PITPNC1: variants seen among roughly 807,000 people sequenced by gnomAD.
PITPNC1 encodes cytoplasmic phosphatidylinositol transfer protein 1.
Under a neutral mutation model 44.7 loss-of-function variants are expected in PITPNC1, and 18 were observed. That is an observed-to-expected ratio of 0.40 (90% CI 0.28 to 0.60). The LOEUF is 0.60. Among genes scored for constraint, PITPNC1 ranks in the 20% least tolerant of loss-of-function variants. The pLI is 0.39. For missense variants in PITPNC1, 290 were observed against 418.4 expected, an observed-to-expected ratio of 0.69 and a Z score of 2.68; for synonymous variants, 141 against 149.6, an observed-to-expected ratio of 0.94 and a Z score of 0.42.
intron 4 of PITPNC1, among the ~76,000 whole-genome samples, chr17:67,565,265 C>G (rs1329625492): frequency 6.7e-6 from 1 of 149,628 alleles, no homozygotes; most frequent in Non-Finnish European, 1.5e-5. Flanking sequence ...GGTGTGTATA[C>G]TCATTTTCCA....
chr17:67,445,954 T>G (rs2039086815), intron 1 of PITPNC1, among the ~76,000 whole-genome samples: 1 of 151,870 alleles, frequency 6.6e-6, no homozygotes. Context: ...GTATTTTTTT[T>G]GGTTTTTTTT....
chr17:67,532,685 C>T (rs2304278), intron 1 of PITPNC1, 117 bp from the exon 2 acceptor site: 643,411 of 742,304 alleles, frequency 0.87, 279,392 homozygotes, highest in Admixed American at 0.92. Flanking sequence ...ATGTGGCTGC[C>T]TTCTCTTCTC....
chr17:67,565,866 G>GT (rs931449634), intron 4 of PITPNC1, among the ~76,000 whole-genome samples: 3 of 146,950 alleles, frequency 2.0e-5, no homozygotes, highest in Admixed American at 6.8e-5. Flanking sequence ...GTTTTTCCAT[G>GT]TTTTTTCGGT....
rs547525989 is a variant in PITPNC1 at position 67,685,560 on chromosome 17, A to G, written c.683-7012A>G. Among the ~76,000 whole-genome samples, 4 of 152,268 alleles carry G rather than the reference A, an allele frequency of 2.6e-5. No individual in the cohort carries two copies. The East Asian group carries it at 7.7e-4, about 29-fold the overall frequency. ...TTCCAGCTGTGAATGCCCACTCTAA[A>G]TCCCCACTAAGCCAATTAGTGGTCA... On this transcript the variant is annotated intron_variant, in intron 8 of 8. Coordinates refer to ENST00000581322, the MANE Select transcript of PITPNC1 (RefSeq NM_012417.4).
rs2144491049 is a variant in PITPNC1 at position 67,695,237 on chromosome 17, T to C, written c.*2349T>C. 1 of 152,280 alleles carries C rather than the reference T, an allele frequency of 6.6e-6. No homozygotes were observed. Among genetic ancestry groups the C allele is most frequent in the East Asian group, 1.9e-4 (1 of 5,188 alleles). The allele number at this position is 152,280 out of a possible 1,614,324, so 9.4% of individuals were successfully genotyped here. A position where few individuals can be genotyped will look rare whatever the true frequency, so the allele number is the denominator to read the frequency against. On this transcript the variant is annotated 3_prime_UTR_variant, in exon 9 of 9. Coordinates refer to ENST00000581322, the MANE Select transcript of PITPNC1 (RefSeq NM_012417.4). ...AGTTTTTCTGTCTACATATGCTTTG[T>C]GTGAGTTAAAAAGGGGGTGGGTGGT...
intron 1 of PITPNC1, among the ~76,000 whole-genome samples, chr17:67,379,798 G>T (rs527917386): frequency 6.6e-6 from 1 of 152,160 alleles, no homozygotes; most frequent in Non-Finnish European, 1.5e-5. Context: ...TTTGATATGA[G>T]TTTGGATTCT....
chr17:67,436,562 C>T (rs2038939339), intron 1 of PITPNC1, among the ~76,000 whole-genome samples: 1 of 151,966 alleles, frequency 6.6e-6, no homozygotes, highest in Non-Finnish European at 1.5e-5. Context: ...GCGTGGAAAG[C>T]GTTCGGGGCC....
intron 1 of PITPNC1, among the ~76,000 whole-genome samples, chr17:67,442,875 A>C (rs1451731899): frequency 2.0e-5 from 3 of 151,978 alleles, no homozygotes; most frequent in Non-Finnish European, 1.5e-5. Context: ...AAAAAAATGC[A>C]TTAAAATAAT....
intron 1 of PITPNC1, among the ~76,000 whole-genome samples, chr17:67,528,483 A>C (rs1198600498): frequency 1.3e-5 from 2 of 152,244 alleles, no homozygotes; most frequent in African/African-American, 4.8e-5. Flanking sequence ...AGGCTTTAGA[A>C]TCTTTCTATG....
chr17:67,403,218 C>CAAAAGAAAAAAA (rs2038347465), intron 1 of PITPNC1, among the ~76,000 whole-genome samples: 1 of 68,974 alleles, frequency 1.4e-5, no homozygotes, highest in African/African-American at 5.2e-5. Context: ...CTCATCTCTA[C>CAAAAGAAAAAAA]AAAAAAAAAA....
At chr17:67,543,662 C>T (rs980135448) in intron 2 of PITPNC1, among the ~76,000 whole-genome samples, 8 of 152,086 alleles carry the variant, frequency 5.3e-5, no homozygotes, top group East Asian at 3.9e-4. Flanking sequence ...GTCCAATGTC[C>T]GTTGAAAATG....
At chr17:67,562,785 A>G (rs1390083287) in intron 4 of PITPNC1, among the ~76,000 whole-genome samples, 2 of 152,194 alleles carry the variant, frequency 1.3e-5, no homozygotes, top group African/African-American at 4.8e-5. Context: ...CCTTTTTGAA[A>G]TTGATGTGTG....
chr17:67,429,683 G>A (rs1347050596), intron 1 of PITPNC1, among the ~76,000 whole-genome samples: 1 of 143,800 alleles, frequency 7.0e-6, no homozygotes, highest in Non-Finnish European at 1.5e-5. Context: ...GGATGAAAGA[G>A]CAAAACTCTG....
intron 6 of PITPNC1, among the ~76,000 whole-genome samples, chr17:67,641,250 T>C (rs2042089446): frequency 6.6e-6 from 1 of 152,202 alleles, no homozygotes; most frequent in Admixed American, 6.5e-5. Context: ...AATTAATACA[T>C]GATCCTTGTA....
At chr17:67,437,882 G>C (rs560780664) in intron 1 of PITPNC1, among the ~76,000 whole-genome samples, 1 of 152,088 alleles carries the variant, frequency 6.6e-6, no homozygotes, top group Non-Finnish European at 1.5e-5. Context: ...AGCCTGGCTA[G>C]CATGGCGAAA....
chr17:67,417,000 C>T (rs935974861), intron 1 of PITPNC1, among the ~76,000 whole-genome samples: 25 of 151,708 alleles, frequency 1.6e-4, no homozygotes, highest in African/African-American at 5.1e-4. Flanking sequence ...TTAGTAGAGA[C>T]GGGGTTTCTC....
chr17:67,557,761 T>A (rs1429209060), intron 4 of PITPNC1, among the ~76,000 whole-genome samples: 1 of 152,272 alleles, frequency 6.6e-6, no homozygotes, highest in Non-Finnish European at 1.5e-5. Context: ...CCAGGATTTA[T>A]GACAGATGCT....
chr17:67,674,073 A>C (rs573419179), intron 7 of PITPNC1, among the ~76,000 whole-genome samples: 2 of 152,082 alleles, frequency 1.3e-5, no homozygotes, highest in African/African-American at 4.8e-5. Context: ...TAGGGGGTAC[A>C]TGAGATGTTT....
At chr17:67,423,856 A>T (rs2038704224) in intron 1 of PITPNC1, among the ~76,000 whole-genome samples, 2 of 152,150 alleles carry the variant, frequency 1.3e-5, no homozygotes, top group African/African-American at 4.8e-5. Context: ...CCTCTTGGGC[A>T]TCTCTGTCCT....
Sources: allele counts gnomAD v4.1 joint callset (sites outside exome capture counted in the v4.1 genomes callset), GRCh38; gene constraint gnomAD v4.1.1; transcripts MANE v1.5; gene names NCBI Gene and HGNC (gene_info 2026-07-23, HGNC 2026-07-21).